Variants in SPATA13 observed in about 807,000 individuals in gnomAD.
SPATA13 encodes spermatogenesis associated 13.
Under a neutral mutation model 104.0 loss-of-function variants are expected in SPATA13, and 50 were observed. That is an observed-to-expected ratio of 0.48 (90% confidence interval 0.38 to 0.61). SPATA13 has a LOEUF of 0.61. Among genes scored for constraint, SPATA13 ranks in the 20% least tolerant of loss-of-function variants. SPATA13 has a pLI of 0.00. For synonymous variants in SPATA13, 606 were observed against 667.5 expected (o/e 0.91, Z 1.42); for missense variants, 1,524 against 1,690.6 (o/e 0.90, Z 1.73).
At chr13:24,158,828 G>T (rs1298455591), upstream of SPATA13, among the ~76,000 whole-genome samples, 3 of 152,314 alleles carry the variant, frequency 2.0e-5, no homozygotes, top group South Asian at 4.1e-4. Flanking sequence ...ATTCAGCAAG[G>T]TCCAGCACTC....
At chr13:24,043,293 C>T (rs1490668696) in intron 3 of SPATA13, among the ~76,000 whole-genome samples, 2 of 149,022 alleles carry the variant, frequency 1.3e-5, no homozygotes, top group African/African-American at 2.4e-5. Context: ...GCCTAGGAGT[C>T]CAGGTACTTA....
intron 1 of SPATA13, among the ~76,000 whole-genome samples, chr13:24,219,114 TCTTC>T (rs1269185084): frequency 6.6e-6 from 1 of 152,154 alleles, no homozygotes; most frequent in Non-Finnish European, 1.5e-5. Flanking sequence ...AGTTCTGTTC[TCTTC>T]CTATCTCTGG....
intron 3 of SPATA13, among the ~76,000 whole-genome samples, chr13:24,044,023 C>T (rs1878033620): frequency 6.6e-6 from 1 of 152,052 alleles, no homozygotes; most frequent in Admixed American, 6.6e-5. Context: ...TCACAGGGTG[C>T]TCTGAGCAGG....
intron 2 of SPATA13, 68 bp from the exon 3 acceptor site, chr13:24,249,409 G>A (rs2138659996): frequency 2.1e-6 from 3 of 1,448,920 alleles, no homozygotes; most frequent in Admixed American, 2.8e-5. Flanking sequence ...GAGAGGGAAT[G>A]TATGGCTTGT....
chr13:24,280,607 A>G (rs1022828013), intron 4 of SPATA13, among the ~76,000 whole-genome samples: 14 of 151,872 alleles, frequency 9.2e-5, no homozygotes, highest in African/African-American at 3.4e-4. Context: ...TGCTTTAGGC[A>G]TTAGACACCC....
intron 3 of SPATA13, among the ~76,000 whole-genome samples, chr13:24,125,093 T>C (rs1034271125): frequency 6.6e-6 from 1 of 152,238 alleles, no homozygotes; most frequent in African/African-American, 2.4e-5. Context: ...CTGCCATTTG[T>C]TTCCTTTCTC....
intron 4 of SPATA13, among the ~76,000 whole-genome samples, chr13:24,275,720 G>A (rs933574254): frequency 6.6e-6 from 1 of 152,230 alleles, no homozygotes; most frequent in Non-Finnish European, 1.5e-5. Flanking sequence ...GATCACCTGA[G>A]GTCAGGAGTT....
chr13:24,292,323 G>A (rs1179413106), intron 9 of SPATA13, among the ~76,000 whole-genome samples: 1 of 152,236 alleles, frequency 6.6e-6, no homozygotes, highest in Non-Finnish European at 1.5e-5. Context: ...CAAGGTAGCA[G>A]TGCTTGGCTA....
intron 1 of SPATA13, among the ~76,000 whole-genome samples, chr13:24,184,469 A>G (rs1463919116): frequency 6.6e-6 from 1 of 152,194 alleles, no homozygotes; most frequent in African/African-American, 2.4e-5. Context: ...GTGAAGAGAA[A>G]AGCGTACAAT....
Position 24,205,263 on chromosome 13 carries a change from T to C in SPATA13, c.-111-17556T>C, listed in dbSNP as rs546022944. ...GCAAATTCTCAGAATACAAAACCAA[T>C]GTGCAAAATTGCTAGCATTCCTGTA... On this transcript the variant is annotated intron_variant, in intron 1 of 12. Transcript: ENST00000382108. The surrounding 1 kb of genome is among the most constrained non-coding windows in gnomAD (Gnocchi z 4.1). Among the ~76,000 whole-genome samples, 1 of 152,222 alleles carries C rather than the reference T, an allele frequency of 6.6e-6. No homozygotes were observed. The highest frequency in any genetic ancestry group is 6.5e-5 in the Admixed American group (1 of 15,290).
At position 23,999,317 on chromosome 13, in the gene SPATA13, C is replaced by A. The variant is rs1875838313; in HGVS notation, c.-147+15384C>A. The stretch of plus-strand genomic sequence containing the variant: ...TTTTTCCAAGTCTGTTTTGGTCATT[C>A]TAGGCACTTTGCATTTCCATGTGTT... On this transcript the variant is annotated intron_variant, in intron 2 of 14. Coordinates refer to the SPATA13 transcript ENST00000424834. Among the ~76,000 whole-genome samples, 3 of 126,832 alleles carry A rather than the reference C, an allele frequency of 2.4e-5. No homozygotes were observed. The Admixed American group carries it at 2.8e-4, about 12-fold the overall frequency. The allele number at this position is 126,832 out of a possible 152,430, so 83.2% of individuals were successfully genotyped here. A position where few individuals can be genotyped will look rare whatever the true frequency, so the allele number is the denominator to read the frequency against.
At chr13:24,077,530 A>T (rs954333686) in intron 3 of SPATA13, among the ~76,000 whole-genome samples, 1 of 152,160 alleles carries the variant, frequency 6.6e-6, no homozygotes, top group Non-Finnish European at 1.5e-5. Context: ...TACAATCACC[A>T]TTTGGAGAAT....
At chr13:24,280,617 C>T (rs2138719691) in intron 4 of SPATA13, among the ~76,000 whole-genome samples, 1 of 152,170 alleles carries the variant, frequency 6.6e-6, no homozygotes, top group African/African-American at 2.4e-5. Flanking sequence ...ATTAGACACC[C>T]AGACTTTGTG....
At chr13:24,213,418 C>T (rs940502062) in intron 1 of SPATA13, among the ~76,000 whole-genome samples, 1 of 152,138 alleles carries the variant, frequency 6.6e-6, no homozygotes, top group Admixed American at 6.5e-5. Context: ...AGGTGTGGGC[C>T]ACCATGCCCG....
At chr13:24,278,811 A>G (rs1875212474) in intron 4 of SPATA13, 1 of 1,598,756 alleles carries the variant, frequency 6.3e-7, no homozygotes, top group Non-Finnish European at 8.5e-7. Flanking sequence ...GTGCATCGCT[A>G]TCATTTGAAG....
intron 3 of SPATA13, among the ~76,000 whole-genome samples, chr13:24,105,547 A>G (rs944630732): frequency 2.6e-5 from 4 of 152,022 alleles, no homozygotes; most frequent in African/African-American, 7.3e-5. Flanking sequence ...AACTTGATAA[A>G]TAGATGTTGA....
At chr13:24,046,989 G>C (rs1878173791) in intron 3 of SPATA13, among the ~76,000 whole-genome samples, 1 of 152,110 alleles carries the variant, frequency 6.6e-6, no homozygotes. Flanking sequence ...AGAACTCAGA[G>C]GCTAGTCTAG....
At chr13:24,173,139 G>A (rs377611811) in intron 1 of SPATA13, among the ~76,000 whole-genome samples, 68 of 152,166 alleles carry the variant, frequency 4.5e-4, no homozygotes, top group African/African-American at 1.5e-3. Flanking sequence ...GTGCAGTGGT[G>A]CGATCTTGGC....
chr13:24,294,618 GA>G (rs1876622828), intron 9 of SPATA13, 120 bp from the exon 10 acceptor site: 1 of 1,100,336 alleles, frequency 9.1e-7, no homozygotes, highest in African/African-American at 1.5e-5. Context: ...AGTGGCTAAT[GA>G]CGTAAATGTC....
Sources: allele counts gnomAD v4.1 joint callset (sites outside exome capture counted in the v4.1 genomes callset), GRCh38; gene constraint gnomAD v4.1.1; non-coding constraint Gnocchi (gnomAD v3.1); transcripts MANE v1.5; gene names NCBI Gene and HGNC (gene_info 2026-07-23, HGNC 2026-07-21).